Variants in MAD1L1 observed in about 807,000 individuals in gnomAD.
MAD1L1 encodes the protein mitotic spindle assembly checkpoint protein MAD1.
A neutral mutation model predicts 96.9 loss-of-function variants in MAD1L1; 95 were observed. The ratio of observed to expected loss-of-function variants is 0.98; its 90% CI spans 0.83 to 1.16. MAD1L1 has a LOEUF of 1.16. Among genes scored for constraint, MAD1L1 ranks in the 50% most tolerant of loss-of-function variants. The pLI is 0.00. For missense variants in MAD1L1, 1,007 were observed against 954.4 expected (o/e 1.06, Z -0.73); for synonymous variants, 473 against 396.6 (o/e 1.19, Z -2.29).
chr7:1,964,121 G>A (rs1780063122), intron 15 of MAD1L1, among the ~76,000 whole-genome samples: 1 of 152,200 alleles, frequency 6.6e-6, no homozygotes, highest in East Asian at 1.9e-4. Context: ...GCCCAGGGTG[G>A]GTGTTCCTGA....
chr7:2,053,836 A>T (rs1331725813), intron 12 of MAD1L1, among the ~76,000 whole-genome samples: 1 of 152,230 alleles, frequency 6.6e-6, no homozygotes. Flanking sequence ...TCCTCAAAAA[A>T]GAAAGTAGAC....
intron 16 of MAD1L1, among the ~76,000 whole-genome samples, chr7:1,943,576 T>G (rs1779096970): frequency 6.6e-6 from 1 of 151,990 alleles, no homozygotes; most frequent in Admixed American, 6.5e-5. Flanking sequence ...CAGGTATCAC[T>G]TTGCGCCCCC....
rs1003608808 is a variant in MAD1L1 at position 2,103,975 on chromosome 7, C to T, written c.1074-34637G>A. ...CATGGCAGAGAATCAAATATGCAGC[C>T]GGTGTCTGGAAATCATTCAATGAAG... On this transcript the variant is annotated intron_variant, in intron 11 of 18. Coordinates refer to ENST00000265854, the MANE Select transcript of MAD1L1 (RefSeq NM_001013836.2). The surrounding 1 kb of genome is among the most constrained non-coding windows in gnomAD (Gnocchi z 4.3). 6.6e-6 allele frequency among the ~76,000 whole-genome samples: 1 copy of T among 152,206 alleles called. No homozygotes were observed. Among genetic ancestry groups the T allele is most frequent in the Non-Finnish European group, 1.5e-5 (1 of 68,042 alleles).
intron 10 of MAD1L1, among the ~76,000 whole-genome samples, chr7:2,179,427 CT>C (rs1415571413): frequency 1.3e-5 from 2 of 151,616 alleles, no homozygotes; most frequent in Non-Finnish European, 2.9e-5. Flanking sequence ...ACTCAGGAGG[CT>C]GAGGCAGGAG....
chr7:1,827,375 T>A (rs1782450999), intron 18 of MAD1L1, among the ~76,000 whole-genome samples: 1 of 152,148 alleles, frequency 6.6e-6, no homozygotes, highest in South Asian at 2.1e-4. Flanking sequence ...AGCACAGCCC[T>A]CGCCCAGTGG....
chr7:2,159,799 C>A (rs1754566130), intron 10 of MAD1L1, among the ~76,000 whole-genome samples: 1 of 152,224 alleles, frequency 6.6e-6, no homozygotes, highest in Non-Finnish European at 1.5e-5. Flanking sequence ...AAAAACACAT[C>A]TTTTCCTATA....
chr7:1,990,413 G>T (rs1234795023), intron 14 of MAD1L1, among the ~76,000 whole-genome samples: 1 of 152,234 alleles, frequency 6.6e-6, no homozygotes, highest in Non-Finnish European at 1.5e-5. Context: ...GCCTCGGGGG[G>T]ATCTTAGGTG....
intron 12 of MAD1L1, among the ~76,000 whole-genome samples, chr7:2,057,528 C>G (rs1227768631): frequency 2.0e-5 from 3 of 151,204 alleles, no homozygotes; most frequent in African/African-American, 4.9e-5. Flanking sequence ...ACCGCCCCCC[C>G]AAAAAGAAGA....
intron 17 of MAD1L1, among the ~76,000 whole-genome samples, chr7:1,918,899 C>T (rs1210272213): frequency 3.3e-5 from 5 of 149,908 alleles, no homozygotes; most frequent in Non-Finnish European, 5.9e-5. Flanking sequence ...CTCTACAGGG[C>T]GCCTCAATGA....
At chr7:2,055,049 C>T (rs1206939439) in intron 12 of MAD1L1, among the ~76,000 whole-genome samples, 1 of 152,210 alleles carries the variant, frequency 6.6e-6, no homozygotes, top group East Asian at 1.9e-4. Context: ...TTCACGTACA[C>T]AGTGCAGAGC....
chr7:2,054,625 T>C (rs938989613), intron 12 of MAD1L1, among the ~76,000 whole-genome samples: 4 of 152,102 alleles, frequency 2.6e-5, no homozygotes, highest in Non-Finnish European at 5.9e-5. Flanking sequence ...GAAAGGGCGA[T>C]ATATTAACAC....
At chr7:1,935,210 G>A (rs1398766890) in intron 17 of MAD1L1, among the ~76,000 whole-genome samples, 1 of 152,254 alleles carries the variant, frequency 6.6e-6, no homozygotes, top group East Asian at 1.9e-4. Context: ...TCCGAAACTT[G>A]CCAATAACAC....
chr7:2,131,225 A>G (rs1484197970), intron 11 of MAD1L1, among the ~76,000 whole-genome samples: 13 of 152,200 alleles, frequency 8.5e-5, no homozygotes, highest in Admixed American at 8.5e-4. Context: ...GCACTTCAGG[A>G]ATCTGCAAAG....
intron 11 of MAD1L1, among the ~76,000 whole-genome samples, chr7:2,076,358 G>A (rs898461974): frequency 1.3e-5 from 2 of 152,228 alleles, no homozygotes; most frequent in African/African-American, 4.8e-5. Flanking sequence ...GCAGCACAAA[G>A]CTCGAGTCCT....
chr7:1,869,368 T>C (rs1000201239), intron 18 of MAD1L1, among the ~76,000 whole-genome samples: 5 of 152,080 alleles, frequency 3.3e-5, no homozygotes, highest in African/African-American at 9.7e-5. Context: ...CTCCACCTTA[T>C]AGGCTCTCAA....
intron 14 of MAD1L1, among the ~76,000 whole-genome samples, chr7:1,995,121 C>T (rs1781499379): frequency 6.6e-6 from 1 of 152,232 alleles, no homozygotes; most frequent in South Asian, 2.1e-4. Context: ...AATTAGACAA[C>T]TTCCCTCCAA....
intron 12 of MAD1L1, among the ~76,000 whole-genome samples, chr7:2,064,663 G>A (rs1334325269): frequency 1.3e-5 from 2 of 151,980 alleles, no homozygotes; most frequent in Admixed American, 6.5e-5. Context: ...TCTCCTAGGA[G>A]GACAGTGGCT....
chr7:1,898,779 G>A (rs1043318547), intron 17 of MAD1L1, among the ~76,000 whole-genome samples: 1 of 152,172 alleles, frequency 6.6e-6, no homozygotes, highest in Non-Finnish European at 1.5e-5. Context: ...GGCGTGACTC[G>A]GGGTTCGCTT....
At chr7:1,929,094 G>C (rs911041025) in intron 17 of MAD1L1, among the ~76,000 whole-genome samples, 8 of 152,164 alleles carry the variant, frequency 5.3e-5, no homozygotes, top group Non-Finnish European at 1.2e-4. Flanking sequence ...TCCTCCCTGA[G>C]GCCGAGCAGG....
Sources: gnomAD v4.1 joint callset for allele counts (sites outside exome capture counted in the v4.1 genomes callset) on GRCh38, gnomAD v4.1.1 for gene constraint, Gnocchi (gnomAD v3.1) non-coding constraint, MANE v1.5 for transcripts, NCBI Gene and HGNC (gene_info 2026-07-23, HGNC 2026-07-21) for gene names.